The following CCDC92 variants were observed in gnomAD, a reference collection of about 807,000 sequenced individuals.
CCDC92 encodes coiled-coil domain-containing protein 92.
In CCDC92, 12 loss-of-function variants were observed where a neutral mutation model predicts 24.9. The ratio of observed to expected loss-of-function variants is 0.48; its 90% CI spans 0.31 to 0.78. The LOEUF is 0.78. Among genes scored for constraint, CCDC92 ranks in the 30% least tolerant of loss-of-function variants. The probability of loss-of-function intolerance (pLI) is 0.05; values close to 1 mark genes in which losing one functional copy is unlikely to be tolerated. For synonymous variants in CCDC92, 193 were observed against 196.3 expected, an observed-to-expected ratio of 0.98 and a Z score of 0.14; for missense variants, 399 against 439.4, an observed-to-expected ratio of 0.91 and a Z score of 0.82.
intron 3 of CCDC92, 34 bp downstream of exon 3, chr12:123,943,312 GC>G: frequency 1.2e-6 from 2 of 1,602,436 alleles, no homozygotes; most frequent in Non-Finnish European, 8.5e-7. Flanking sequence ...CCCCATAGCC[GC>G]CCCCCGCCTG....
chr12:123,958,767 G>A (rs557216866), intron 1 of CCDC92, among the ~76,000 whole-genome samples: 1 of 152,318 alleles, frequency 6.6e-6, no homozygotes, highest in African/African-American at 2.4e-5. Flanking sequence ...GGCGTAGAGA[G>A]CTTAATCTGC....
At chr12:123,960,318 T>G (rs1037895783) in intron 1 of CCDC92, among the ~76,000 whole-genome samples, 5 of 152,138 alleles carry the variant, frequency 3.3e-5, no homozygotes, top group African/African-American at 4.8e-5. Context: ...TCAGAGGGCT[T>G]GGAAAAATGT....
Position 123,937,685 on chromosome 12 carries a change from G to C in CCDC92, c.369C>G (p.Ile123Met). The C allele has an allele frequency of 2.5e-6, 4 of 1,614,116 alleles. No homozygotes were observed. The highest frequency in any genetic ancestry group is 3.4e-6 in the Non-Finnish European group (4 of 1,180,044). The stretch of plus-strand genomic sequence containing the variant: ...CCAGGTACTTCTTCTCTCGCTCCTT[G>C]ATGGTGTTCTCCAGCACTGTGATCA... ...NAMITVLENT[I>M]KEREKKYLEE... The change falls in exon 5 of 5, where the codon ATC becomes ATG. Residue 123 changes from isoleucine (I) to methionine (M), a missense_variant. Ile to Met is a conservative substitution (Grantham distance 10). Coordinates refer to ENST00000238156, the MANE Select transcript of CCDC92 (RefSeq NM_025140.3). The surrounding 1 kb of genome is among the most constrained non-coding windows in gnomAD (Gnocchi z 8.4).
Position 123,938,041 on chromosome 12 carries a change from T to C in CCDC92, c.224-211A>G, listed in dbSNP as rs149819951. 2.2e-3 allele frequency among the ~76,000 whole-genome samples: 336 copies of C among 152,248 alleles called. 4 individuals carry two copies. The highest frequency in any genetic ancestry group is 0.019 in the Admixed American group (295 of 15,294). On this transcript the variant is annotated intron_variant, in intron 4 of 4. Transcript: ENST00000238156. ...CTCAGAGGCCCTTTCCGGCTCTTAG[T>C]TCTCTGGCCTACTGCATAAAAGAAT...
At chr12:123,961,751 A>G (rs1204977794) in intron 1 of CCDC92, among the ~76,000 whole-genome samples, 2 of 152,208 alleles carry the variant, frequency 1.3e-5, no homozygotes, top group Non-Finnish European at 2.9e-5. Context: ...CTGAGGGCTC[A>G]GTGCCAGGCG....
In CCDC92 at chr12:123,936,861, A is replaced by G; in HGVS notation, c.*197T>C. On this transcript the variant is annotated 3_prime_UTR_variant, in exon 5 of 5. Coordinates refer to ENST00000238156, the MANE Select transcript of CCDC92 (RefSeq NM_025140.3). Reference sequence around the variant, plus strand: ...GGCACACAGGCGTTTGGCCACAGCAATTAGGAAATACATATTCTGCGGCAG... The same window carrying G: ...GGCACACAGGCGTTTGGCCACAGCAGTTAGGAAATACATATTCTGCGGCAG... 3.1e-6 allele frequency: 2 copies of G among 654,300 alleles called. No homozygotes were observed. The highest frequency in any genetic ancestry group is 3.9e-5 in the South Asian group (2 of 51,532). The allele number at this position is 654,300 out of a possible 1,614,324, so 40.5% of individuals were successfully genotyped here.
intron 1 of CCDC92, among the ~76,000 whole-genome samples, chr12:123,953,940 G>A (rs1046503051): frequency 2.0e-5 from 3 of 152,150 alleles, no homozygotes; most frequent in South Asian, 2.1e-4. Flanking sequence ...TGGGCAACAA[G>A]AGGGAAACTC....
chr12:123,939,338 G>C (rs1448470329), intron 4 of CCDC92, among the ~76,000 whole-genome samples: 1 of 152,358 alleles, frequency 6.6e-6, no homozygotes, highest in Non-Finnish European at 1.5e-5. Flanking sequence ...CAGACTCTGA[G>C]CTTTTGAGGG....
At chr12:123,939,594 T>G (rs1044194744) in intron 4 of CCDC92, among the ~76,000 whole-genome samples, 4 of 152,240 alleles carry the variant, frequency 2.6e-5, no homozygotes, top group Non-Finnish European at 5.9e-5. Flanking sequence ...AAATTTTAAG[T>G]TGAACCATTG....
At chr12:123,954,377 C>T (rs180761158) in intron 1 of CCDC92, among the ~76,000 whole-genome samples, 10 of 152,274 alleles carry the variant, frequency 6.6e-5, no homozygotes, top group East Asian at 3.9e-4. Flanking sequence ...TAAGGCTCAT[C>T]GACAATTCTT....
intron 1 of CCDC92, among the ~76,000 whole-genome samples, chr12:123,954,033 T>A (rs966394351): frequency 5.9e-5 from 9 of 152,254 alleles, no homozygotes; most frequent in Admixed American, 1.3e-4. Context: ...TTAAAAGTTC[T>A]ATTTTAGTAC....
chr12:123,942,779 G>A lies in CCDC92; in HGVS notation c.188C>T (p.Thr63Ile), dbSNP rs777622722. The part of the protein sequence containing the change: ...RRLQQHCTDL[T>I]YELTVKSSEQ... ...CGAACTTTTGACTGTCAGCTCATAT[G>A]TTAAATCTAAAAGGGAAATGTTACA... Residue 63 changes from threonine to isoleucine, a missense_variant, in exon 4 of 5, where the codon ACA becomes ATA. Thr to Ile is a moderately conservative substitution (Grantham distance 89, BLOSUM62 -1). Coordinates refer to ENST00000238156, the MANE Select transcript of CCDC92 (RefSeq NM_025140.3). The A allele has an allele frequency of 6.2e-7, 1 of 1,607,316 alleles. No individual in the cohort carries two copies. Among genetic ancestry groups the A allele is most frequent in the Admixed American group, 1.7e-5 (1 of 60,012 alleles).
chr12:123,942,172 C>T (rs751304806), intron 4 of CCDC92, among the ~76,000 whole-genome samples: 28 of 152,328 alleles, frequency 1.8e-4, no homozygotes, highest in African/African-American at 5.3e-4. Flanking sequence ...TCTTCTCTGG[C>T]GGCCAGCAGG....
In CCDC92 at chr12:123,937,593, G is replaced by A. The variant is rs1348088854; in HGVS notation, c.461C>T (p.Thr154Ile). 6.2e-7 allele frequency: 1 copy of A among 1,613,482 alleles called. No homozygotes were observed. The highest frequency in any genetic ancestry group is 8.5e-7 in the Non-Finnish European group (1 of 1,180,032). Residue 154 changes from threonine to isoleucine, a missense_variant, in exon 5 of 5, where the codon ACC becomes ATC. Transcript: ENST00000238156. This position sits in a 1 kb window ranked among gnomAD's most constrained non-coding sequence, Gnocchi z 8.4. ...LSSELEQRAS[T>I]IAYLTSQLHA... ...CAGCTGGGAGGTCAGGTAGGCGATG[G>A]TGCTGGCCCGCTGCTCCAGCTCGCT...
At chr12:123,963,613 G>A (rs1956324932) in intron 1 of CCDC92, among the ~76,000 whole-genome samples, 1 of 152,166 alleles carries the variant, frequency 6.6e-6, no homozygotes. Context: ...CCTGTTTCTT[G>A]ATAATGTGAG....
intron 1 of CCDC92, among the ~76,000 whole-genome samples, chr12:123,947,309 C>T (rs1251662860): frequency 6.6e-6 from 1 of 152,182 alleles, no homozygotes; most frequent in Non-Finnish European, 1.5e-5. Flanking sequence ...TCCATGGTGC[C>T]CAATCCCATC....
At chr12:123,955,028 G>A (rs1216917574) in intron 1 of CCDC92, among the ~76,000 whole-genome samples, 1 of 152,220 alleles carries the variant, frequency 6.6e-6, no homozygotes, top group Non-Finnish European at 1.5e-5. Flanking sequence ...GGCCCTTCCT[G>A]CCCTCCGTGC....
Sources: gnomAD v4.1 joint callset for allele counts (sites outside exome capture counted in the v4.1 genomes callset) on GRCh38, gnomAD v4.1.1 for gene constraint, Gnocchi (gnomAD v3.1) non-coding constraint, MANE v1.5 for transcripts, NCBI Gene and HGNC (gene_info 2026-07-23, HGNC 2026-07-21) for gene names.